Variants in SETX observed in about 807,000 individuals in gnomAD.
The protein encoded by SETX is helicase senataxin.
Under a neutral mutation model 227.2 loss-of-function variants are expected in SETX, and 90 were observed. That is an observed-to-expected ratio of 0.40 (90% CI 0.33 to 0.47). The LOEUF (loss-of-function observed/expected upper bound fraction) is 0.47. Ranked by LOEUF, SETX falls within the 20% of genes least tolerant of loss-of-function variation. SETX has a pLI of 0.91. For missense variants in SETX, 3,052 were observed against 3,181.5 expected, an observed-to-expected ratio of 0.96 and a Z score of 0.98; for synonymous variants, 1,210 against 1,113.2, an observed-to-expected ratio of 1.09 and a Z score of -1.73.
intron 15 of SETX, among the ~76,000 whole-genome samples, chr9:132,294,037 TA>T (rs1306786215): frequency 6.6e-6 from 1 of 151,876 alleles, no homozygotes; most frequent in Non-Finnish European, 1.5e-5. Flanking sequence ...AATAAATAAA[TA>T]AATAAATAAA....
chr9:132,278,541 A>C (rs1463393218), intron 20 of SETX, among the ~76,000 whole-genome samples: 1 of 136,866 alleles, frequency 7.3e-6, no homozygotes, highest in Non-Finnish European at 1.5e-5. Context: ...TGCATCCTTC[A>C]CCTCCCAGGT....
intron 18 of SETX, among the ~76,000 whole-genome samples, chr9:132,284,375 T>A (rs1441566413): frequency 2.0e-5 from 3 of 152,256 alleles, no homozygotes; most frequent in African/African-American, 4.8e-5. Flanking sequence ...TTAGTTTAAA[T>A]AAACTGCTAA....
chr9:132,300,834 T>C lies in SETX; in HGVS notation c.5375-31A>G, dbSNP rs748474354. 3 of 1,573,154 alleles carry C rather than the reference T, an allele frequency of 1.9e-6. No individual in the cohort carries two copies. In the South Asian group the frequency reaches 3.4e-5, roughly 18 times the overall value. ...AAACAAGAAGAAGTCGGAATTCATA[T>C]AACTCTAATAGAATTATTTTAAATA... On this transcript the variant is annotated intron_variant, in intron 11 of 25. Coordinates refer to ENST00000224140, the MANE Select transcript of SETX (RefSeq NM_015046.7).
Position 132,327,912 on chromosome 9 carries a change from C to T in SETX, c.3686G>A (p.Cys1229Tyr), listed in dbSNP as rs1172981899. The change falls in exon 10 of 26, where the codon TGT becomes TAT. Residue 1229 changes from cysteine to tyrosine, a missense_variant. Transcript: ENST00000224140. ...TGGAACTTTCCTGATGGGTTCTGTA[C>T]AAGTACAAAGCTTTGAAGACTTCTT... ...SQKKSSKLCT[C>Y]TEPIRKVPVS... is the part of the protein sequence containing the mutation. 1.9e-6 allele frequency: 3 copies of T among 1,614,152 alleles called. No individual in the cohort carries two copies. Among genetic ancestry groups the T allele is most frequent in the Non-Finnish European group, 2.5e-6 (3 of 1,180,022 alleles).
intron 10 of SETX, among the ~76,000 whole-genome samples, chr9:132,316,057 CT>C (rs1473967660): frequency 6.6e-6 from 1 of 152,140 alleles, no homozygotes; most frequent in African/African-American, 2.4e-5. Flanking sequence ...CTCATCCATC[CT>C]TTTAACCAGC....
rs943904959 is a variant in SETX, at chr9:132,277,157, A to T, written c.6843-5T>A. 3.8e-5 allele frequency: 16 copies of T among 415,594 alleles called. No individual in the cohort carries two copies. The highest frequency in any genetic ancestry group is 5.5e-5 in the Non-Finnish European group (15 of 270,958). 25.7% of individuals were successfully genotyped at this position (415,594 alleles called of 1,614,324 possible). A position where few individuals can be genotyped will look rare whatever the true frequency, so the allele number is the denominator to read the frequency against. ...CATCGAATGGCTTCTGTCTGTCTGT[A>T]AAAAAAAAAAAGCAGTCAACATTCA... is the stretch of plus-strand genomic sequence containing the variant. On this transcript the variant is annotated splice_region_variant and splice_polypyrimidine_tract_variant and intron_variant, in intron 21 of 25. Coordinates refer to ENST00000224140, the MANE Select transcript of SETX (RefSeq NM_015046.7).
rs772347772 is a variant in SETX at position 132,326,573 on chromosome 9, T to C, written c.5025A>G (p.Pro1675=). Residue 1675 remains proline (P), a synonymous_variant, in exon 10 of 26, where the codon CCA becomes CCG. Coordinates refer to ENST00000224140, the MANE Select transcript of SETX (RefSeq NM_015046.7). ...ATGGAAAATATTTGCTTTCACCAAA[T>C]GGAACTTTGCAACCTTGCCTGTTGG... ...NNSNRQGCKV[P]FGESKYFPSS... 1.2e-6 allele frequency: 2 copies of C among 1,614,218 alleles called. No individual in the cohort carries two copies. The highest frequency in any genetic ancestry group is 1.7e-6 in the Non-Finnish European group (2 of 1,180,038).
intron 2 of SETX, 55 bp from the exon 3 acceptor site, chr9:132,349,490 G>A (rs1848494137): frequency 1.3e-6 from 2 of 1,543,834 alleles, no homozygotes; most frequent in Non-Finnish European, 8.9e-7. Context: ...CCTACTGTGT[G>A]TCAAGAATAG....
At chr9:132,311,151 G>A (rs1389989825) in intron 11 of SETX, among the ~76,000 whole-genome samples, 1 of 152,086 alleles carries the variant, frequency 6.6e-6, no homozygotes, top group Admixed American at 6.6e-5. Flanking sequence ...ATTTTTAGTA[G>A]AAACGGGGTT....
chr9:132,271,116 T>G (rs892441099), intron 24 of SETX, among the ~76,000 whole-genome samples: 1 of 152,074 alleles, frequency 6.6e-6, no homozygotes, highest in African/African-American at 2.4e-5. Flanking sequence ...GTAGTTAAGG[T>G]GAACAAATTT....
In SETX at chr9:132,264,519, C is replaced by T; in HGVS notation, c.7754G>A (p.Ser2585Asn). Reference sequence around the variant, plus strand: ...TACAGCAGCGGGCTGCTGTATATGGCTCAGGTCCTGGTGAACGACAGGGAA... The same window carrying T: ...TACAGCAGCGGGCTGCTGTATATGGTTCAGGTCCTGGTGAACGACAGGGAA... Reference protein sequence around the residue: ...PGFPVVHQDLSHIQQPAAVVA... With the variant: ...PGFPVVHQDLNHIQQPAAVVA... Residue 2585 changes from serine to asparagine, a missense_variant, in exon 26 of 26, where the codon AGC becomes AAC. Around this residue, in one of 10 missense-constraint regions of SETX, gnomAD observed 294 missense variants for 278.8 expected, o/e 1.05. Transcript: ENST00000224140. 6.2e-7 allele frequency: 1 copy of T among 1,613,962 alleles called. No individual in the cohort carries two copies.
At position 132,335,970 on chromosome 9, in the gene SETX, G is replaced by A. The variant is rs891039116; in HGVS notation, c.718+326C>T. 2.6e-5 allele frequency among the ~76,000 whole-genome samples: 4 copies of A among 152,124 alleles called. No homozygotes were observed. In the East Asian group the frequency reaches 5.8e-4, roughly 22 times the overall value. ...TCATAGGAACTACAGGGCCGGGCGC[G>A]GTAGCTCACGCCTGTAATCCCAGCA... On this transcript the variant is annotated intron_variant, in intron 6 of 25. Coordinates refer to ENST00000224140, the MANE Select transcript of SETX (RefSeq NM_015046.7).
chr9:132,317,663 T>C (rs1846065342), intron 10 of SETX, among the ~76,000 whole-genome samples: 1 of 152,060 alleles, frequency 6.6e-6, no homozygotes, highest in Non-Finnish European at 1.5e-5. Flanking sequence ...GGGTCTCACT[T>C]TGTTGTCCAG....
chr9:132,282,915 G>A (rs546311560), intron 19 of SETX: 8 of 341,162 alleles, frequency 2.3e-5, no homozygotes, highest in South Asian at 1.7e-4. Context: ...AGGAATAAAA[G>A]ACATCAGGTG....
At chr9:132,342,492 G>A (rs1248320304) in intron 5 of SETX, among the ~76,000 whole-genome samples, 198 bp downstream of exon 5, 1 of 152,184 alleles carries the variant, frequency 6.6e-6, no homozygotes, top group East Asian at 1.9e-4. Flanking sequence ...AGCATCACCT[G>A]TCGGTAAGTA....
intron 12 of SETX, among the ~76,000 whole-genome samples, chr9:132,298,529 T>C (rs1844806724): frequency 2.0e-5 from 3 of 152,102 alleles, no homozygotes; most frequent in South Asian, 2.1e-4. Flanking sequence ...CAAATAAATA[T>C]GTCAGGTGGT....
At position 132,327,350 on chromosome 9, in the gene SETX, G is replaced by A. The variant is rs771348821; in HGVS notation, c.4248C>T (p.Cys1416=). The A allele has an allele frequency of 1.9e-6, 3 of 1,614,194 alleles. No individual in the cohort carries two copies. The South Asian group carries it at 3.3e-5, about 18-fold the overall frequency. The change falls in exon 10 of 26, where the codon TGC becomes TGT. Residue 1416 remains cysteine (C), a synonymous_variant. Coordinates refer to ENST00000224140, the MANE Select transcript of SETX (RefSeq NM_015046.7). ...ANSNRKQLIK[C]MPSEPETIKA... ...TTATGGTTTCTGGTTCAGAAGGCAT[G>A]CATTTTATTAACTGTTTTCTGTTAC... is the stretch of plus-strand genomic sequence containing the variant.
rs914553612 is a variant in SETX at position 132,263,545 on chromosome 9, T to C, written c.*694A>G. ...CTATGTGCATACTGAAACAGGTAAA[T>C]GAACTCATCACAGAAATATAATACC... On this transcript the variant is annotated 3_prime_UTR_variant, in exon 26 of 26. Transcript: ENST00000224140. 5 of 152,178 alleles carry C rather than the reference T, an allele frequency of 3.3e-5. No homozygotes were observed. Among genetic ancestry groups the C allele is most frequent in the African/African-American group, 1.2e-4 (5 of 41,430 alleles). The allele number at this position is 152,178 out of a possible 1,614,324, so 9.4% of individuals were successfully genotyped here.
intron 17 of SETX, among the ~76,000 whole-genome samples, chr9:132,287,789 A>C (rs1465048818): frequency 6.6e-6 from 1 of 152,130 alleles, no homozygotes; most frequent in Non-Finnish European, 1.5e-5. Flanking sequence ...AGCAGAAAGA[A>C]ATGTGTTAAT....
Sources: gnomAD v4.1 joint callset for allele counts (sites outside exome capture counted in the v4.1 genomes callset) on GRCh38, gnomAD v4.1.1 for gene constraint, gnomAD v4.1.1 regional missense constraint, MANE v1.5 for transcripts, NCBI Gene and HGNC (gene_info 2026-07-23, HGNC 2026-07-21) for gene names.